Variants in CSMD3 observed in about 807,000 individuals in gnomAD.
CSMD3 encodes CUB and Sushi multiple domains 3.
CSMD3 carries 177 observed loss-of-function variants against 435.2 expected under a neutral mutation model. That is an observed-to-expected ratio of 0.41 (90% CI 0.36 to 0.46). The LOEUF is 0.46. CSMD3 is among the 20% of genes least tolerant of loss of function. The probability of loss-of-function intolerance (pLI) is 0.34; values close to 1 mark genes in which losing one functional copy is unlikely to be tolerated. For missense variants in CSMD3, 4,265 were observed against 4,504.6 expected (o/e 0.95, Z 1.52); for synonymous variants, 1,656 against 1,520.5 (o/e 1.09, Z -2.07).
At chr8:113,409,146 G>A (rs2094546828) in intron 1 of CSMD3, among the ~76,000 whole-genome samples, 1 of 145,514 alleles carries the variant, frequency 6.9e-6, no homozygotes, top group African/African-American at 2.5e-5. Context: ...TGCAGTGGTG[G>A]GATCTCAGCT....
chr8:112,571,564 T>C (rs1211849659), intron 24 of CSMD3, among the ~76,000 whole-genome samples: 2 of 151,734 alleles, frequency 1.3e-5, no homozygotes, highest in Non-Finnish European at 2.9e-5. Context: ...AACCCACAAA[T>C]ATTTCAGACA....
intron 13 of CSMD3, among the ~76,000 whole-genome samples, chr8:112,757,789 C>T (rs924412734): frequency 6.7e-6 from 1 of 149,904 alleles, no homozygotes; most frequent in African/African-American, 2.5e-5. Flanking sequence ...CATGGTGGCT[C>T]ACACCTGTAA....
chr8:112,229,554 A>G (rs1206072566), intron 69 of CSMD3, among the ~76,000 whole-genome samples: 2 of 151,882 alleles, frequency 1.3e-5, no homozygotes, highest in African/African-American at 4.8e-5. Flanking sequence ...TCAGCCTCCC[A>G]AGTAGCTGGG....
intron 4 of CSMD3, among the ~76,000 whole-genome samples, chr8:113,129,640 T>C (rs1382535559): frequency 3.9e-5 from 6 of 152,108 alleles, no homozygotes; most frequent in African/African-American, 4.8e-5. Flanking sequence ...AAGTTATAAA[T>C]TGCATGTAAA....
chr8:113,225,766 C>A (rs1034361419), intron 3 of CSMD3, among the ~76,000 whole-genome samples: 1 of 151,414 alleles, frequency 6.6e-6, no homozygotes. Context: ...GCTGTACCTG[C>A]GAGTCTCCAG....
intron 24 of CSMD3, among the ~76,000 whole-genome samples, chr8:112,561,710 T>C (rs1828638489): frequency 6.6e-6 from 1 of 151,716 alleles, no homozygotes; most frequent in South Asian, 2.1e-4. Flanking sequence ...TAATTCAGTT[T>C]ATTATTCTTG....
intron 10 of CSMD3, among the ~76,000 whole-genome samples, chr8:112,872,869 A>G (rs1343393418): frequency 6.6e-6 from 1 of 152,060 alleles, no homozygotes; most frequent in East Asian, 1.9e-4. Context: ...AAAGCCTAGC[A>G]TTCTCAAGGT....
chr8:112,647,918 G>A (rs1213494856), intron 19 of CSMD3, among the ~76,000 whole-genome samples: 1 of 152,046 alleles, frequency 6.6e-6, no homozygotes, highest in African/African-American at 2.4e-5. Context: ...AATACATAAG[G>A]CACCTGTAGC....
At chr8:112,252,283 T>C (rs1815336279) in intron 63 of CSMD3, among the ~76,000 whole-genome samples, 1 of 151,970 alleles carries the variant, frequency 6.6e-6, no homozygotes, top group Admixed American at 6.6e-5. Context: ...GATGATCACT[T>C]TCTGTATGTA....
intron 45 of CSMD3, among the ~76,000 whole-genome samples, chr8:112,333,428 T>C (rs1282903813): frequency 6.6e-6 from 1 of 152,060 alleles, no homozygotes; most frequent in Non-Finnish European, 1.5e-5. Context: ...TGGCCTCCCA[T>C]AGTGCTGGGA....
chr8:113,271,174 G>T (rs1378678057), intron 3 of CSMD3, among the ~76,000 whole-genome samples: 1 of 152,094 alleles, frequency 6.6e-6, no homozygotes, highest in Non-Finnish European at 1.5e-5. Flanking sequence ...CAGAAAATTT[G>T]CAGCCTGATG....
rs556105256 is a variant in CSMD3 at position 112,925,592 on chromosome 8, G to A, written c.1509-3841C>T. 2.0e-5 allele frequency among the ~76,000 whole-genome samples: 3 copies of A among 152,066 alleles called. No individual in the cohort carries two copies. The East Asian group carries it at 5.8e-4, about 29-fold the overall frequency. On this transcript the variant is annotated intron_variant, in intron 9 of 70. Coordinates refer to ENST00000297405, the MANE Select transcript of CSMD3 (RefSeq NM_198123.2). ...AAATATTTTCATCTCTTTGTGCATT[G>A]CTTTCCCATACCTCAGTAGAACAAT...
chr8:112,575,216 T>A (rs776570918), intron 23 of CSMD3, among the ~76,000 whole-genome samples: 9 of 152,008 alleles, frequency 5.9e-5, no homozygotes, highest in Non-Finnish European at 4.4e-5. Context: ...TCTAACCACA[T>A]TAACCTAAAC....
intron 5 of CSMD3, among the ~76,000 whole-genome samples, chr8:113,030,704 GA>G (rs2087070369): frequency 6.6e-6 from 1 of 150,926 alleles, no homozygotes; most frequent in Non-Finnish European, 1.5e-5. Flanking sequence ...CTATGAAGAA[GA>G]TACTGAATAA....
intron 13 of CSMD3, among the ~76,000 whole-genome samples, chr8:112,708,909 G>A (rs1397463219): frequency 6.6e-6 from 1 of 151,978 alleles, no homozygotes; most frequent in African/African-American, 2.4e-5. Flanking sequence ...CTTATCTTCA[G>A]CTTCCCCATA....
intron 24 of CSMD3, among the ~76,000 whole-genome samples, chr8:112,568,839 C>T (rs1053416114): frequency 6.6e-6 from 1 of 152,034 alleles, no homozygotes; most frequent in African/African-American, 2.4e-5. Context: ...TATCTTTAAC[C>T]TAATTTTTTT....
intron 30 of CSMD3, among the ~76,000 whole-genome samples, chr8:112,496,351 G>T (rs1187781133): frequency 6.6e-6 from 1 of 152,128 alleles, no homozygotes; most frequent in African/African-American, 2.4e-5. Flanking sequence ...AGTTGAGGGG[G>T]ATGTAAATTA....
intron 28 of CSMD3, among the ~76,000 whole-genome samples, chr8:112,513,553 C>A (rs111628114): frequency 0.012 from 1,851 of 152,018 alleles, 36 homozygotes; most frequent in African/African-American, 0.043. Context: ...ACAATAACAA[C>A]AAAATAGCAA....
chr8:113,162,431 G>GGCA (rs1026213051), intron 4 of CSMD3, among the ~76,000 whole-genome samples: 4 of 151,812 alleles, frequency 2.6e-5, no homozygotes, highest in African/African-American at 7.3e-5. Flanking sequence ...TGTGCATGGT[G>GGCA]GCAGGCACCT....
Sources: allele counts gnomAD v4.1 joint callset (sites outside exome capture counted in the v4.1 genomes callset), GRCh38; gene constraint gnomAD v4.1.1; transcripts MANE v1.5; gene names NCBI Gene and HGNC (gene_info 2026-07-23, HGNC 2026-07-21).